Variants in OR9Q1 observed in about 807,000 individuals in gnomAD.
OR9Q1 encodes olfactory receptor 9Q1.
For missense variants in OR9Q1, 374 were observed against 378.8 expected (o/e 0.99, Z 0.11); for synonymous variants, 153 against 148.6 (o/e 1.03, Z -0.22).
At chr11:58,048,698 T>A (rs1405040519) in intron 1 of OR9Q1, among the ~76,000 whole-genome samples, 6 of 116,082 alleles carry the variant, frequency 5.2e-5, no homozygotes, top group Non-Finnish European at 7.5e-5. Context: ...ATATATATTT[T>A]TTAGCAAGAC....
In OR9Q1 at chr11:58,088,350, C is replaced by T. The variant is rs563212653; in HGVS notation, c.-15+32403C>T. Among the ~76,000 whole-genome samples, 80 of 151,932 alleles carry T rather than the reference C, an allele frequency of 5.3e-4. 4 individuals are homozygous for T. The highest frequency in any genetic ancestry group is 1.9e-3 in the African/African-American group (78 of 41,282). On this transcript the variant is annotated intron_variant, in intron 2 of 2. Coordinates refer to ENST00000335397, the MANE Select transcript of OR9Q1 (RefSeq NM_001005212.4). ...GGGTATATACCCAGTAATGGGATTGCTGGGTCAAATGGTATTTCTGGTTCT... is the reference window on the plus strand; with the variant it reads ...GGGTATATACCCAGTAATGGGATTGTTGGGTCAAATGGTATTTCTGGTTCT...
chr11:58,118,689 A>G, intron 2 of OR9Q1: 1 of 1,614,098 alleles, frequency 6.2e-7, no homozygotes, highest in Non-Finnish European at 8.5e-7. Flanking sequence ...TAAGGGCTCC[A>G]AAGAAAAGGG....
chr11:58,082,741 T>TATAATAATAATAATAACA (rs1265613294), intron 2 of OR9Q1, among the ~76,000 whole-genome samples: 326 of 125,494 alleles, frequency 2.6e-3, no homozygotes, highest in Admixed American at 5.9e-3. Context: ...AAACTTAAAG[T>TATAATAATAATAATAACA]ATAATAATAA....
At chr11:58,128,744 A>T (rs1016271661) in intron 2 of OR9Q1, among the ~76,000 whole-genome samples, 4 of 152,218 alleles carry the variant, frequency 2.6e-5, no homozygotes, top group African/African-American at 9.6e-5. Flanking sequence ...GCATAAAGGC[A>T]TATGTATGTG....
At chr11:58,025,806 C>G (rs1387873656) in intron 1 of OR9Q1, among the ~76,000 whole-genome samples, 1 of 152,142 alleles carries the variant, frequency 6.6e-6, no homozygotes, top group African/African-American at 2.4e-5. Flanking sequence ...TCTCCTGACT[C>G]TCTCCGTGGA....
At chr11:58,121,256 G>A (rs1854029577) in intron 2 of OR9Q1, among the ~76,000 whole-genome samples, 1 of 152,058 alleles carries the variant, frequency 6.6e-6, no homozygotes, top group Non-Finnish European at 1.5e-5. Context: ...AAGATTTCCT[G>A]TTGCCATATG....
chr11:58,026,929 A>T (rs1429674150), intron 1 of OR9Q1: 1 of 152,238 alleles, frequency 6.6e-6, no homozygotes, highest in East Asian at 1.9e-4. Context: ...TCCATATATC[A>T]ATCCAATCTA....
chr11:58,122,747 C>T (rs940066240), intron 2 of OR9Q1, among the ~76,000 whole-genome samples: 1 of 151,494 alleles, frequency 6.6e-6, no homozygotes, highest in Non-Finnish European at 1.5e-5. Flanking sequence ...ATTCTTACTC[C>T]TTCCCCTGTT....
chr11:58,080,581 T>C (rs1240157316), intron 2 of OR9Q1, among the ~76,000 whole-genome samples: 1 of 152,320 alleles, frequency 6.6e-6, no homozygotes, highest in East Asian at 1.9e-4. Flanking sequence ...CTTTCCACTG[T>C]GGCTGAACTA....
rs1854658434 is a variant in OR9Q1, at chr11:58,180,827, C to T, written c.*450C>T. 5.9e-6 allele frequency: 1 copy of T among 168,288 alleles called. No homozygotes were observed. Among genetic ancestry groups the T allele is most frequent in the Non-Finnish European group, 1.4e-5 (1 of 69,128 alleles). The allele number at this position is 168,288 out of a possible 1,614,324, so 10.4% of individuals were successfully genotyped here. ...GATGTAATCTATCCGTGAGTTTATTCATCAATCAATTCACTCATCAAACCA... is the reference window on the plus strand; with the variant it reads ...GATGTAATCTATCCGTGAGTTTATTTATCAATCAATTCACTCATCAAACCA... On this transcript the variant is annotated 3_prime_UTR_variant, in exon 3 of 3. Transcript: ENST00000335397.
intron 2 of OR9Q1, among the ~76,000 whole-genome samples, chr11:58,079,665 A>C (rs1163951940): frequency 6.6e-6 from 1 of 152,142 alleles, no homozygotes; most frequent in Non-Finnish European, 1.5e-5. Context: ...TTTTGGAATC[A>C]TGAGAATGCC....
chr11:58,119,259 G>T (rs150960279), intron 2 of OR9Q1: 9 of 1,613,896 alleles, frequency 5.6e-6, no homozygotes, highest in Non-Finnish European at 8.5e-7. Flanking sequence ...GGTGGCTCAG[G>T]AAGAAGTACA....
chr11:58,112,772 T>C (rs147828293), intron 2 of OR9Q1, among the ~76,000 whole-genome samples: 7 of 152,288 alleles, frequency 4.6e-5, no homozygotes, highest in African/African-American at 9.6e-5. Context: ...CATATATGTC[T>C]GATGCCCTAC....
chr11:58,164,858 G>A (rs189991280), intron 2 of OR9Q1, among the ~76,000 whole-genome samples: 23 of 152,186 alleles, frequency 1.5e-4, no homozygotes, highest in African/African-American at 5.1e-4. Context: ...GCATGGTCTC[G>A]CCTCAGAGCC....
intron 1 of OR9Q1, among the ~76,000 whole-genome samples, chr11:58,039,843 T>G (rs1853143096): frequency 6.6e-6 from 1 of 152,232 alleles, no homozygotes; most frequent in East Asian, 1.9e-4. Context: ...TGTAAAACTT[T>G]CAGTTATTTG....
chr11:58,171,868 T>C (rs1310495473), intron 2 of OR9Q1: 1 of 152,196 alleles, frequency 6.6e-6, no homozygotes, highest in Non-Finnish European at 1.5e-5. Flanking sequence ...CCAGAAGTTT[T>C]CCATAAAGTC....
intron 2 of OR9Q1, among the ~76,000 whole-genome samples, chr11:58,121,003 C>T (rs555016651): frequency 6.6e-5 from 10 of 151,900 alleles, no homozygotes; most frequent in South Asian, 6.2e-4. Context: ...ATTTTGACTA[C>T]GGGTTGATTC....
intron 2 of OR9Q1, among the ~76,000 whole-genome samples, chr11:58,069,132 C>G (rs541667575): frequency 1.3e-5 from 2 of 151,852 alleles, no homozygotes; most frequent in Middle Eastern, 3.2e-3. Flanking sequence ...GACTGTTACT[C>G]AAGTGAGTCC....
At position 58,180,320 on chromosome 11, in the gene OR9Q1, G is replaced by C; in HGVS notation, c.876G>C (p.Arg292Ser). 6.2e-7 allele frequency: 1 copy of C among 1,608,396 alleles called. No individual in the cohort carries two copies. Among genetic ancestry groups the C allele is most frequent in the South Asian group, 1.1e-5 (1 of 90,624 alleles). ...PMLNPLIYSLRNKEVKEALRK... is the reference protein window; with the variant it reads ...PMLNPLIYSLSNKEVKEALRK... ...TGAATCCCCTCATCTACAGCCTGAG[G>C]AACAAGGAAGTGAAGGAGGCCCTGA... Residue 292 changes from arginine (R) to serine (S), a missense_variant, in exon 3 of 3, where the codon AGG becomes AGC. Physicochemically the swap from Arg to Ser is moderately radical, Grantham distance 110 (BLOSUM62 -1). Coordinates refer to ENST00000335397, the MANE Select transcript of OR9Q1 (RefSeq NM_001005212.4).
Sources: gnomAD v4.1 joint callset for allele counts (sites outside exome capture counted in the v4.1 genomes callset) on GRCh38, gnomAD v4.1.1 for gene constraint, MANE v1.5 for transcripts, NCBI Gene and HGNC (gene_info 2026-07-23, HGNC 2026-07-21) for gene names.